The following PRIM2 variants were observed in gnomAD, a reference collection of about 807,000 sequenced individuals.
PRIM2 encodes DNA primase subunit 2.
In PRIM2, 39 loss-of-function variants were observed where a neutral mutation model predicts 67.3. The ratio of observed to expected loss-of-function variants is 0.58; its 90% CI spans 0.45 to 0.76. The LOEUF is 0.76. PRIM2 is among the 30% of genes least tolerant of loss of function. The probability of loss-of-function intolerance (pLI) is 0.00; values close to 1 mark genes in which losing one functional copy is unlikely to be tolerated. For synonymous variants in PRIM2, 143 were observed against 198.7 expected (o/e 0.72, Z 2.36); for missense variants, 398 against 598.7 (o/e 0.66, Z 3.50).
intron 7 of PRIM2, among the ~76,000 whole-genome samples, chr6:57,489,411 G>T (rs1422531526): frequency 6.6e-6 from 1 of 152,274 alleles, no homozygotes; most frequent in Non-Finnish European, 1.5e-5. Flanking sequence ...AAAAAACTAA[G>T]CTGGGCGTGG....
chr6:57,605,873 A>T (rs1776553085), intron 11 of PRIM2, among the ~76,000 whole-genome samples: 1 of 152,076 alleles, frequency 6.6e-6, no homozygotes. Context: ...TTACATTTTC[A>T]TAGATTCTAC....
At chr6:57,348,084 A>T (rs1289743247) in intron 5 of PRIM2, among the ~76,000 whole-genome samples, 4 of 152,188 alleles carry the variant, frequency 2.6e-5, no homozygotes, top group South Asian at 4.2e-4. Flanking sequence ...AACCAAATAT[A>T]TTAAATATAC....
At chr6:57,604,982 G>C (rs1474222807) in intron 11 of PRIM2, among the ~76,000 whole-genome samples, 3 of 152,160 alleles carry the variant, frequency 2.0e-5, no homozygotes, top group Non-Finnish European at 4.4e-5. Context: ...GAGCCACCGC[G>C]CTTGGCCAGG....
the PRIM2 span, among the ~76,000 whole-genome samples, chr6:57,302,713 G>A: frequency 1.3e-5 from 2 of 152,098 alleles, no homozygotes; most frequent in South Asian, 2.1e-4. Flanking sequence ...ACACTCGAAA[G>A]GCCTAGTACT....
At chr6:57,323,575 T>G (rs1767733836) in intron 3 of PRIM2, among the ~76,000 whole-genome samples, 1 of 151,720 alleles carries the variant, frequency 6.6e-6, no homozygotes, top group African/African-American at 2.4e-5. Flanking sequence ...GTTTTGGCAA[T>G]GAGAACACAT....
the PRIM2 span, among the ~76,000 whole-genome samples, chr6:57,229,321 A>G: frequency 2.6e-5 from 4 of 151,908 alleles, no homozygotes; most frequent in Non-Finnish European, 5.9e-5. Flanking sequence ...TTCTCCATCT[A>G]TTTCTATTCT....
In PRIM2 at chr6:57,587,389, G is replaced by A. The variant is rs1433765743; in HGVS notation, c.1021-13704G>A. On this transcript the variant is annotated intron_variant, in intron 10 of 13. Transcript: ENST00000615550. ...ATTATAAAAGGCAGAACACAGCCGA[G>A]AGCGGTGGCTCATGCCTGTAATTTC... 2.0e-5 allele frequency among the ~76,000 whole-genome samples: 3 copies of A among 152,124 alleles called. No homozygotes were observed. In the East Asian group the frequency reaches 5.8e-4, roughly 29 times the overall value.
At chr6:57,486,541 A>G (rs1773756810) in intron 7 of PRIM2, among the ~76,000 whole-genome samples, 1 of 152,248 alleles carries the variant, frequency 6.6e-6, no homozygotes, top group African/African-American at 2.4e-5. Flanking sequence ...TCCTTAGGGA[A>G]AGTGAGGCCT....
chr6:57,347,959 G>A (rs1254383328), intron 5 of PRIM2, among the ~76,000 whole-genome samples: 1 of 152,190 alleles, frequency 6.6e-6, no homozygotes, highest in Non-Finnish European at 1.5e-5. Context: ...CATCAAAAGT[G>A]CTATACAAAC....
intron 7 of PRIM2, chr6:57,390,287 A>T (rs1481538507): frequency 1.3e-5 from 2 of 153,044 alleles, no homozygotes; most frequent in East Asian, 3.8e-4. Flanking sequence ...TTGACTGAGG[A>T]TGCTCAGCTG....
the PRIM2 span, among the ~76,000 whole-genome samples, chr6:57,233,837 A>AT: frequency 1.3e-5 from 2 of 152,060 alleles, no homozygotes; most frequent in East Asian, 3.9e-4. Flanking sequence ...TAAAATTATT[A>AT]TTTTTTATAC....
chr6:57,267,042 G>T, the PRIM2 span, among the ~76,000 whole-genome samples: 1 of 152,102 alleles, frequency 6.6e-6, no homozygotes, highest in Non-Finnish European at 1.5e-5. Context: ...TAGTTCTTTA[G>T]GTATGAAAGA....
chr6:57,345,506 G>GTGTGTGTGTGTGTGTGTACA (rs369673115), intron 5 of PRIM2, among the ~76,000 whole-genome samples: 3,885 of 121,726 alleles, frequency 0.032, 109 homozygotes, highest in African/African-American at 0.064. Flanking sequence ...GTGTGTGTGT[G>GTGTGTGTGTGTGTGTGTACA]TACATACATA....
At chr6:57,348,659 T>C (rs1004216602) in intron 5 of PRIM2, among the ~76,000 whole-genome samples, 10 of 152,090 alleles carry the variant, frequency 6.6e-5, no homozygotes, top group Admixed American at 4.6e-4. Context: ...CAACAGGTGT[T>C]TAGTAGACAG....
intron 7 of PRIM2, among the ~76,000 whole-genome samples, chr6:57,397,922 A>G (rs1581862599): frequency 2.6e-5 from 3 of 116,244 alleles, no homozygotes; most frequent in Admixed American, 9.5e-5. Context: ...TTTGAGACGG[A>G]GTCTTGCTCT....
the PRIM2 span, among the ~76,000 whole-genome samples, chr6:57,241,318 A>T: frequency 2.0e-5 from 3 of 152,216 alleles, no homozygotes; most frequent in South Asian, 6.2e-4. Flanking sequence ...CTGAGACTGG[A>T]GGATCACTTG....
intron 13 of PRIM2, among the ~76,000 whole-genome samples, chr6:57,644,128 T>TAA: frequency 6.6e-6 from 1 of 152,310 alleles, no homozygotes; most frequent in East Asian, 1.9e-4. Flanking sequence ...CTTGACCACT[T>TAA]ACCCTGATTT....
At chr6:57,471,986 G>T (rs1773346478) in intron 7 of PRIM2, among the ~76,000 whole-genome samples, 1 of 151,198 alleles carries the variant, frequency 6.6e-6, no homozygotes, top group African/African-American at 2.4e-5. Context: ...GAGATACGCG[G>T]TTTTTTTTTG....
intron 5 of PRIM2, among the ~76,000 whole-genome samples, chr6:57,331,326 G>A (rs1189621020): frequency 1.3e-5 from 2 of 151,946 alleles, no homozygotes; most frequent in South Asian, 4.2e-4. Context: ...CTAGTATTTT[G>A]TTGAGGATTT....
Sources: allele counts gnomAD v4.1 joint callset (sites outside exome capture counted in the v4.1 genomes callset), GRCh38; gene constraint gnomAD v4.1.1; transcripts MANE v1.5; gene names NCBI Gene and HGNC (gene_info 2026-07-23, HGNC 2026-07-21).